FGD5: variants seen among roughly 807,000 people sequenced by gnomAD.
FGD5 encodes the protein FYVE, RhoGEF and PH domain containing 5, also known as FYVE, RhoGEF and PH domain-containing protein 5.
FGD5 carries 28 observed loss-of-function variants against 133.4 expected under a neutral mutation model. The observed-to-expected ratio is 0.21, with a 90% confidence interval of 0.16 to 0.29. The LOEUF (loss-of-function observed/expected upper bound fraction) is 0.29. FGD5 is among the 10% of genes least tolerant of loss of function. FGD5 has a pLI of 1.00. For synonymous variants in FGD5, 810 were observed against 776.5 expected, an observed-to-expected ratio of 1.04 and a Z score of -0.72; for missense variants, 1,858 against 1,895.2, an observed-to-expected ratio of 0.98 and a Z score of 0.36.
chr3:14,929,264 G>T (rs1421451125), intron 18 of FGD5, among the ~76,000 whole-genome samples: 2 of 152,178 alleles, frequency 1.3e-5, no homozygotes, highest in African/African-American at 4.8e-5. Context: ...CATTTGGATT[G>T]CTTCTAGGTT....
At chr3:14,920,794 G>A (rs1167429880) in intron 13 of FGD5, among the ~76,000 whole-genome samples, 3 of 152,214 alleles carry the variant, frequency 2.0e-5, no homozygotes, top group African/African-American at 7.2e-5. Context: ...GCCAGGTGAG[G>A]TGGAACTGGA....
At chr3:14,833,307 T>A (rs751791312) in intron 1 of FGD5, among the ~76,000 whole-genome samples, 8 of 152,192 alleles carry the variant, frequency 5.3e-5, no homozygotes, top group Non-Finnish European at 7.3e-5. Context: ...CAGGGTTGGG[T>A]TAGAGCCCTG....
In FGD5 at chr3:14,917,378, C is replaced by T. The variant is rs192298702; in HGVS notation, c.3489+46C>T. 6.4e-7 allele frequency: 1 copy of T among 1,557,286 alleles called. No individual in the cohort carries two copies. The highest frequency in any genetic ancestry group is 2.3e-5 in the East Asian group (1 of 43,192). ...ACCCCCGGGTTGGGGGACAGGGAGA[C>T]CCCAGGGGAGAAGGGGACAGCATCC... On this transcript the variant is annotated intron_variant, in intron 12 of 19. Transcript: ENST00000285046. The surrounding 1 kb of genome is among the most constrained non-coding windows in gnomAD (Gnocchi z 4.1).
intron 2 of FGD5, among the ~76,000 whole-genome samples, chr3:14,870,948 A>T (rs1261575149): frequency 6.6e-6 from 1 of 152,216 alleles, no homozygotes; most frequent in African/African-American, 2.4e-5. Context: ...AATTCAGTAG[A>T]CACCCAGTTC....
chr3:14,929,772 T>G (rs558271977), intron 18 of FGD5, among the ~76,000 whole-genome samples: 1 of 152,374 alleles, frequency 6.6e-6, no homozygotes, highest in South Asian at 2.1e-4. Context: ...GATAAATGTT[T>G]TACAAATATT....
chr3:14,900,024 A>T lies in FGD5; in HGVS notation c.3155-379A>T, dbSNP rs141924941. 4.2e-3 allele frequency among the ~76,000 whole-genome samples: 643 copies of T among 152,282 alleles called. 3 individuals carry two copies. Among genetic ancestry groups the T allele is most frequent in the Non-Finnish European group, 5.2e-3 (356 of 68,016 alleles). ...GCAGTCACTGGGGAGGGGCTGGAGG[A>T]TGTGGAGCCTGGAGAGTATGAATGC... On this transcript the variant is annotated intron_variant, in intron 7 of 19. Coordinates refer to ENST00000285046, the MANE Select transcript of FGD5 (RefSeq NM_152536.4).
chr3:14,816,600 A>T (rs1170047696), upstream of FGD5, among the ~76,000 whole-genome samples: 1 of 152,216 alleles, frequency 6.6e-6, no homozygotes, highest in South Asian at 2.1e-4. Context: ...TTTGACCCAG[A>T]TCAGCCAGGC....
intron 1 of FGD5, among the ~76,000 whole-genome samples, chr3:14,831,106 G>A (rs751231522): frequency 6.6e-6 from 1 of 152,148 alleles, no homozygotes; most frequent in Non-Finnish European, 1.5e-5. Context: ...ATCCGAGGCA[G>A]AGGGAATAGC....
chr3:14,906,738 C>G (rs2038350212), intron 9 of FGD5, among the ~76,000 whole-genome samples: 1 of 152,240 alleles, frequency 6.6e-6, no homozygotes, highest in African/African-American at 2.4e-5. Flanking sequence ...CACCAGCCAC[C>G]TCTGCCTCCT....
At chr3:14,886,828 T>A (rs2087919) in intron 4 of FGD5, among the ~76,000 whole-genome samples, 1 of 152,086 alleles carries the variant, frequency 6.6e-6, no homozygotes, top group African/African-American at 2.4e-5. Context: ...TATTTGTGTG[T>A]TTCCCACATC....
intron 1 of FGD5, among the ~76,000 whole-genome samples, chr3:14,843,791 C>A (rs1264302393): frequency 2.0e-5 from 3 of 149,196 alleles, no homozygotes; most frequent in Admixed American, 6.7e-5. Flanking sequence ...CCTGGGTTCA[C>A]GTGATTCTCG....
chr3:14,897,489 C>T lies in FGD5; in HGVS notation c.2749-20C>T, dbSNP rs2038159238. 1.3e-6 allele frequency: 2 copies of T among 1,596,656 alleles called. No individual in the cohort carries two copies. The highest frequency in any genetic ancestry group is 1.1e-5 in the South Asian group (1 of 87,642). ...CTCAGTCCTATCAACCTGTGGGTAA[C>T]AGACCTTTTGGTGTTTCAGGATTTC... On this transcript the variant is annotated intron_variant, in intron 4 of 19. Coordinates refer to ENST00000285046, the MANE Select transcript of FGD5 (RefSeq NM_152536.4).
chr3:14,833,182 T>TTGG (rs1272690587), intron 1 of FGD5, among the ~76,000 whole-genome samples: 1 of 152,200 alleles, frequency 6.6e-6, no homozygotes, highest in Non-Finnish European at 1.5e-5. Flanking sequence ...TTTCCCTGTG[T>TTGG]TGGAGAGGCC....
Position 14,820,143 on chromosome 3 carries a change from T to G in FGD5, c.1072T>G (p.Cys358Gly). ...CTTCCCAACTGAGAGCACCTCTTTT[T>G]GCAGCGAGAGCTGTTCTCCTCTTTC... ...EFFPTESTSF[C>G]SESCSPLSES... The change falls in exon 1 of 20, where the codon TGC becomes GGC. Residue 358 changes from cysteine to glycine, a missense_variant. Physicochemically the swap from Cys to Gly is radical, Grantham distance 159. Coordinates refer to ENST00000285046, the MANE Select transcript of FGD5 (RefSeq NM_152536.4). 1 of 1,614,028 alleles carries G rather than the reference T, an allele frequency of 6.2e-7. No individual in the cohort carries two copies. Among genetic ancestry groups the G allele is most frequent in the Non-Finnish European group, 8.5e-7 (1 of 1,179,892 alleles).
intron 7 of FGD5, among the ~76,000 whole-genome samples, chr3:14,900,108 T>C (rs293907): frequency 0.12 from 18,641 of 152,200 alleles, 1,522 homozygotes; most frequent in East Asian, 0.42. Flanking sequence ...TCGCCCCCAG[T>C]GGGCTGTGAT....
At chr3:14,830,583 G>A (rs921659432) in intron 1 of FGD5, among the ~76,000 whole-genome samples, 3 of 152,174 alleles carry the variant, frequency 2.0e-5, no homozygotes, top group Admixed American at 6.5e-5. Context: ...TATAATTCTC[G>A]CTAATAGAAG....
At position 14,922,509 on chromosome 3, in the gene FGD5, C is replaced by T. The variant is rs745806806; in HGVS notation, c.3768C>T (p.Ser1256=). ...MMCMNCGCDF[S]LTLRRHHCHA... ...GCATGAACTGCGGCTGCGACTTCTC[C>T]CTCACCCTGCGGCGTCATCACTGTC... The change falls in exon 15 of 20, where the codon TCC becomes TCT. Residue 1256 remains serine, a synonymous_variant. Transcript: ENST00000285046. The surrounding 1 kb of genome is among the most constrained non-coding windows in gnomAD (Gnocchi z 4.1). The T allele has an allele frequency of 1.3e-6, 2 of 1,582,708 alleles. No individual in the cohort carries two copies. The highest frequency in any genetic ancestry group is 1.7e-6 in the Non-Finnish European group (2 of 1,164,494).
chr3:14,867,563 C>T (rs569135054), intron 2 of FGD5, among the ~76,000 whole-genome samples: 1 of 152,282 alleles, frequency 6.6e-6, no homozygotes, highest in South Asian at 2.1e-4. Context: ...ATGTGACAGT[C>T]CCCCAAGAGG....
In FGD5 at chr3:14,827,401, G is replaced by C. The variant is rs775906011; in HGVS notation, c.2525+5805G>C. On this transcript the variant is annotated intron_variant, in intron 1 of 19. Transcript: ENST00000285046. ...CCTCCCAGGTTCATGCCATTCTCCT[G>C]CCTCAGCCTCCCGAGTAGCTGAGGC... 2.4e-4 allele frequency among the ~76,000 whole-genome samples: 36 copies of C among 148,610 alleles called. 1 individual carries two copies. Among genetic ancestry groups the C allele is most frequent in the Non-Finnish European group, 4.4e-4 (30 of 67,642 alleles).
Sources: gnomAD v4.1 joint callset for allele counts (sites outside exome capture counted in the v4.1 genomes callset) on GRCh38, gnomAD v4.1.1 for gene constraint, Gnocchi (gnomAD v3.1) non-coding constraint, MANE v1.5 for transcripts, NCBI Gene and HGNC (gene_info 2026-07-23, HGNC 2026-07-21) for gene names.